The following GABRG3 variants were observed in gnomAD, a reference collection of about 807,000 sequenced individuals.
GABRG3 encodes the protein gamma-aminobutyric acid receptor subunit gamma-3.
GABRG3 carries 25 observed loss-of-function variants against 48.8 expected under a neutral mutation model. The ratio of observed to expected loss-of-function variants is 0.51; its 90% confidence interval spans 0.37 to 0.72. The LOEUF is 0.72. GABRG3 is among the 30% of genes least tolerant of loss of function. The pLI, the probability that GABRG3 is intolerant of heterozygous loss-of-function variation, is 0.00. For synonymous variants in GABRG3, 227 were observed against 217.6 expected (o/e 1.04, Z -0.38); for missense variants, 394 against 577.9 (o/e 0.68, Z 3.26).
At chr15:27,361,310 T>C (rs1895016536) in intron 5 of GABRG3, among the ~76,000 whole-genome samples, 2 of 152,158 alleles carry the variant, frequency 1.3e-5, no homozygotes, top group Non-Finnish European at 2.9e-5. Flanking sequence ...TTTCTGGGTC[T>C]TGGGTGCTGC....
chr15:27,404,935 T>G (rs911302974), intron 5 of GABRG3, among the ~76,000 whole-genome samples: 1 of 152,232 alleles, frequency 6.6e-6, no homozygotes, highest in Non-Finnish European at 1.5e-5. Context: ...CTTACACTGG[T>G]ATGTCCTCGC....
intron 3 of GABRG3, among the ~76,000 whole-genome samples, chr15:27,097,623 C>T (rs187184080): frequency 1.3e-5 from 2 of 152,252 alleles, no homozygotes; most frequent in Admixed American, 6.5e-5. Context: ...CACCCTGCCG[C>T]AGAGACACTT....
intron 5 of GABRG3, among the ~76,000 whole-genome samples, chr15:27,420,085 A>C (rs972902361): frequency 1.3e-5 from 2 of 152,236 alleles, no homozygotes; most frequent in East Asian, 1.9e-4. Flanking sequence ...AAAGAAAAAC[A>C]ATCAACTACT....
chr15:27,300,802 A>G (rs1013657365), intron 3 of GABRG3, among the ~76,000 whole-genome samples: 21 of 152,064 alleles, frequency 1.4e-4, no homozygotes, highest in African/African-American at 5.1e-4. Flanking sequence ...AGAAATAACT[A>G]CAAAAACTTG....
intron 3 of GABRG3, among the ~76,000 whole-genome samples, chr15:27,131,574 G>A (rs978783926): frequency 6.6e-5 from 10 of 151,856 alleles, no homozygotes; most frequent in East Asian, 1.9e-4. Context: ...GTGTTCCCTC[G>A]TCTTCAATAT....
At chr15:27,458,697 A>AG (rs1889360839) in intron 5 of GABRG3, among the ~76,000 whole-genome samples, 1 of 152,152 alleles carries the variant, frequency 6.6e-6, no homozygotes, top group African/African-American at 2.4e-5. Context: ...TGACAAAAAA[A>AG]AAAATAACCA....
At chr15:27,530,733 C>T (rs1363577033) in intron 9 of GABRG3, 1 of 470,966 alleles carries the variant, frequency 2.1e-6, no homozygotes. Context: ...TCCTGTGTGG[C>T]TGCCTTACCT....
At chr15:27,224,761 T>C (rs1889559338) in intron 3 of GABRG3, among the ~76,000 whole-genome samples, 1 of 152,260 alleles carries the variant, frequency 6.6e-6, no homozygotes, top group African/African-American at 2.4e-5. Flanking sequence ...GAAACTTTCT[T>C]GCATGCTGTG....
At position 27,512,029 on chromosome 15, in the gene GABRG3, C is replaced by T. The variant is rs536070554; in HGVS notation, c.713-7943C>T. ...AGCTGTTTCCTTGACTGGGAGGGAG[C>T]CCAAACCATGAAGGAGTTTGTAGTC... is the stretch of plus-strand genomic sequence containing the variant. On this transcript the variant is annotated intron_variant, in intron 6 of 9. Coordinates refer to ENST00000615808, the MANE Select transcript of GABRG3 (RefSeq NM_033223.5). Among the ~76,000 whole-genome samples, 18 of 152,174 alleles carry T rather than the reference C, an allele frequency of 1.2e-4. No homozygotes were observed. The South Asian group carries it at 3.7e-3, about 32-fold the overall frequency.
Position 27,533,614 on chromosome 15 carries a change from C to A in GABRG3, c.*733C>A, listed in dbSNP as rs1891482768. ...TTTATTCCAACTTACTGAGAGTCAA[C>A]AATATTTGAACTTTGGGTTCTTGGA... is the stretch of plus-strand genomic sequence containing the variant. On this transcript the variant is annotated 3_prime_UTR_variant, in exon 10 of 10. Transcript: ENST00000615808. 2.6e-5 allele frequency: 4 copies of A among 152,186 alleles called. No individual in the cohort carries two copies. The highest frequency in any genetic ancestry group is 2.6e-4 in the Admixed American group (4 of 15,280). The allele number at this position is 152,186 out of a possible 1,614,324, so 9.4% of individuals were successfully genotyped here. A position where few individuals can be genotyped will look rare whatever the true frequency, so the allele number is the denominator to read the frequency against.
intron 2 of GABRG3, among the ~76,000 whole-genome samples, chr15:26,989,226 T>C (rs1895203939): frequency 6.6e-6 from 1 of 152,224 alleles, no homozygotes; most frequent in Admixed American, 6.5e-5. Flanking sequence ...TGATAGCATG[T>C]ATCAGTACTT....
chr15:27,335,339 A>G (rs994717369), intron 5 of GABRG3, among the ~76,000 whole-genome samples: 1 of 152,162 alleles, frequency 6.6e-6, no homozygotes, highest in African/African-American at 2.4e-5. Flanking sequence ...CAGCTGCACC[A>G]CTTTACATTT....
intron 3 of GABRG3, among the ~76,000 whole-genome samples, chr15:27,263,841 G>T (rs1389178330): frequency 6.6e-6 from 1 of 151,790 alleles, no homozygotes; most frequent in Non-Finnish European, 1.5e-5. Flanking sequence ...CAGGAGAATG[G>T]CGTGAACCTG....
intron 5 of GABRG3, among the ~76,000 whole-genome samples, chr15:27,392,258 G>T (rs1311700460): frequency 6.6e-6 from 1 of 152,022 alleles, no homozygotes; most frequent in Non-Finnish European, 1.5e-5. Flanking sequence ...TCTGTTCTAG[G>T]ATCCTGTCCA....
chr15:27,242,241 G>A (rs1276825548), intron 3 of GABRG3, among the ~76,000 whole-genome samples: 1 of 152,214 alleles, frequency 6.6e-6, no homozygotes, highest in Non-Finnish European at 1.5e-5. Flanking sequence ...TGCAGAGGTG[G>A]CTGGGAGATT....
In GABRG3 at chr15:27,236,585, C is replaced by T. The variant is rs762954436; in HGVS notation, c.271-90224C>T. 4.6e-5 allele frequency among the ~76,000 whole-genome samples: 7 copies of T among 152,186 alleles called. No individual in the cohort carries two copies. The highest frequency in any genetic ancestry group is 1.2e-4 in the African/African-American group (5 of 41,446). ...GTCACCTGAGGCCAGGATCAGACTC[C>T]GCCTCCCTCTTTACAGCCTCAGCGT... On this transcript the variant is annotated intron_variant, in intron 3 of 9. Coordinates refer to ENST00000615808, the MANE Select transcript of GABRG3 (RefSeq NM_033223.5). This position sits in a 1 kb window ranked among gnomAD's most constrained non-coding sequence, Gnocchi z 4.4.
At chr15:27,106,442 G>T (rs954136210) in intron 3 of GABRG3, among the ~76,000 whole-genome samples, 1 of 151,102 alleles carries the variant, frequency 6.6e-6, no homozygotes, top group Non-Finnish European at 1.5e-5. Context: ...CTGCAGGAAA[G>T]AAAGGAAAAA....
intron 5 of GABRG3, among the ~76,000 whole-genome samples, chr15:27,424,665 T>TGCCTCAGCC (rs942588094): frequency 6.6e-6 from 1 of 151,582 alleles, no homozygotes; most frequent in Non-Finnish European, 1.5e-5. Flanking sequence ...GCAATTCTCC[T>TGCCTCAGCC]GCCTCAGCCT....
chr15:27,040,607 C>T (rs1018815255), intron 3 of GABRG3, among the ~76,000 whole-genome samples: 1 of 152,226 alleles, frequency 6.6e-6, no homozygotes, highest in Non-Finnish European at 1.5e-5. Context: ...CCTTTTGTTT[C>T]TTGATGCTCT....
Sources: gnomAD v4.1 joint callset for allele counts (sites outside exome capture counted in the v4.1 genomes callset) on GRCh38, gnomAD v4.1.1 for gene constraint, Gnocchi (gnomAD v3.1) non-coding constraint, MANE v1.5 for transcripts, NCBI Gene and HGNC (gene_info 2026-07-23, HGNC 2026-07-21) for gene names.